The following CD9 variants were observed in gnomAD, a reference collection of about 807,000 sequenced individuals.
CD9 encodes CD9 antigen.
Under a neutral mutation model 31.4 loss-of-function variants are expected in CD9, and 10 were observed. That is an observed-to-expected ratio of 0.32 (90% confidence interval 0.20 to 0.54). CD9 has a LOEUF of 0.54. CD9 is among the 20% of genes least tolerant of loss of function. The probability of loss-of-function intolerance (pLI) is 0.94; values close to 1 mark genes in which losing one functional copy is unlikely to be tolerated. For missense variants in CD9, 259 were observed against 300.1 expected, an observed-to-expected ratio of 0.86 and a Z score of 1.01; for synonymous variants, 113 against 114.1, an observed-to-expected ratio of 0.99 and a Z score of 0.06.
intron 1 of CD9, among the ~76,000 whole-genome samples, chr12:6,222,395 A>G (rs985061411): frequency 6.6e-6 from 1 of 151,980 alleles, no homozygotes; most frequent in Non-Finnish European, 1.5e-5. Flanking sequence ...TCTTATTGTG[A>G]GTTGTTAAGC....
At chr12:6,226,246 C>A in intron 2 of CD9, 1 of 152,278 alleles carries the variant, frequency 6.6e-6, no homozygotes. Context: ...CTCTCGTTGC[C>A]GTATCACCAC....
At chr12:6,236,549 C>T in intron 7 of CD9, 1 of 506,314 alleles carries the variant, frequency 2.0e-6, no homozygotes, top group Non-Finnish European at 3.5e-6. Context: ...ACATGGGTGG[C>T]AGTGCTGGCA....
At chr12:6,210,487 C>A (rs934588170) in intron 1 of CD9, among the ~76,000 whole-genome samples, 1 of 152,164 alleles carries the variant, frequency 6.6e-6, no homozygotes, top group Non-Finnish European at 1.5e-5. Flanking sequence ...ACCCACTACC[C>A]CCACTGCCCC....
upstream of CD9, chr12:6,200,347 C>T (rs951791851): frequency 6.9e-6 from 3 of 433,804 alleles, no homozygotes; most frequent in Non-Finnish European, 1.3e-5. Flanking sequence ...CGCAGCGGGT[C>T]GCGCGCCCTA....
rs1031901956 is a variant in CD9 at position 6,225,619 on chromosome 12, G to C, written c.175+85G>C. On this transcript the variant is annotated intron_variant, in intron 2 of 7. Transcript: ENST00000009180. ...TTTGGAGGCCCCATGTTGACCCAGGGACTTGGGCTTGGGAAAGACTTTTGC... is the reference window on the plus strand; with the variant it reads ...TTTGGAGGCCCCATGTTGACCCAGGCACTTGGGCTTGGGAAAGACTTTTGC... The C allele has an allele frequency of 4.8e-6, 4 of 840,012 alleles. No homozygotes were observed. The East Asian group carries it at 1.0e-4, about 21-fold the overall frequency. 52.0% of individuals were successfully genotyped at this position (840,012 alleles called of 1,614,324 possible).
intron 1 of CD9, among the ~76,000 whole-genome samples, chr12:6,222,759 G>A (rs1440862303): frequency 2.0e-5 from 3 of 152,218 alleles, no homozygotes; most frequent in Non-Finnish European, 2.9e-5. Flanking sequence ...AGGTTCCACT[G>A]GGGTACCCTG....
intron 2 of CD9, among the ~76,000 whole-genome samples, chr12:6,229,444 A>AC (rs1189526063): frequency 3.3e-5 from 5 of 151,548 alleles, no homozygotes; most frequent in African/African-American, 1.2e-4. Flanking sequence ...TTACACACCC[A>AC]CTCCCCTCTG....
At position 6,232,666 on chromosome 12, in the gene CD9, G is replaced by A. The variant is rs1946462740; in HGVS notation, c.210G>A (p.Met70Ile). 4 of 1,581,612 alleles carry A rather than the reference G, an allele frequency of 2.5e-6. No homozygotes were observed. The Admixed American group carries it at 7.1e-5, about 28-fold the overall frequency. Residue 70 changes from methionine to isoleucine, a missense_variant, in exon 3 of 8, where the codon ATG becomes ATA. Physicochemically the swap from Met to Ile is conservative, Grantham distance 10. Transcript: ENST00000009180. This position sits in a 1 kb window ranked among gnomAD's most constrained non-coding sequence, Gnocchi z 4.8. Reference sequence around the variant, plus strand: ...TTCTGATCGGAGCCGGCGCCCTCATGATGCTGGTGGGCTTCCTGGGCTGCT... The same window carrying A: ...TTCTGATCGGAGCCGGCGCCCTCATAATGCTGGTGGGCTTCCTGGGCTGCT... ...VYILIGAGAL[M>I]MLVGFLGCCG... is the part of the protein sequence containing the mutation.
chr12:6,210,221 T>A (rs1448906337), intron 1 of CD9, among the ~76,000 whole-genome samples: 1 of 152,180 alleles, frequency 6.6e-6, no homozygotes, highest in Non-Finnish European at 1.5e-5. Context: ...TGGGGCTGTT[T>A]TCACGGGGGA....
At chr12:6,209,663 C>T (rs1003287079) in intron 1 of CD9, among the ~76,000 whole-genome samples, 1 of 149,272 alleles carries the variant, frequency 6.7e-6, no homozygotes, top group Non-Finnish European at 1.5e-5. Flanking sequence ...CCTTTAGAGA[C>T]CCAGACTGCA....
At chr12:6,220,809 C>T (rs550129547) in intron 1 of CD9, among the ~76,000 whole-genome samples, 1 of 152,346 alleles carries the variant, frequency 6.6e-6, no homozygotes, top group South Asian at 2.1e-4. Flanking sequence ...CCAGTTTCCC[C>T]TATTGTACCA....
chr12:6,204,033 G>A lies in CD9; in HGVS notation c.66+3468G>A, dbSNP rs961906563. ...ATATCCCCTAGACCTAGGGGAGGCT[G>A]GTGCGAAACACAGAGACCTACACTG... On this transcript the variant is annotated intron_variant, in intron 1 of 7. Coordinates refer to ENST00000009180, the MANE Select transcript of CD9 (RefSeq NM_001769.4). Among the ~76,000 whole-genome samples, 124 of 137,168 alleles carry A rather than the reference G, an allele frequency of 9.0e-4. 1 individual carries two copies. The highest frequency in any genetic ancestry group is 3.2e-3 in the African/African-American group (116 of 36,684). The allele number at this position is 137,168 out of a possible 152,430, so 90.0% of individuals were successfully genotyped here.
intron 2 of CD9, among the ~76,000 whole-genome samples, chr12:6,231,528 G>A (rs1209728383): frequency 6.6e-6 from 1 of 152,206 alleles, no homozygotes; most frequent in African/African-American, 2.4e-5. Flanking sequence ...TGCTGATTAA[G>A]GGAATAGTCC....
chr12:6,219,704 C>G (rs1440962813), intron 1 of CD9, among the ~76,000 whole-genome samples: 3 of 152,042 alleles, frequency 2.0e-5, no homozygotes, highest in African/African-American at 4.8e-5. Context: ...CCAGGATGGT[C>G]TCCATCTCCT....
At chr12:6,236,062 C>T (rs934447242) in intron 6 of CD9, 130 bp from the exon 7 acceptor site, 3 of 1,471,674 alleles carry the variant, frequency 2.0e-6, no homozygotes, top group Non-Finnish European at 2.7e-6. Flanking sequence ...TCTCTTATCC[C>T]CGAACACTCC....
intron 3 of CD9, chr12:6,233,125 C>A: frequency 1.4e-6 from 1 of 694,930 alleles, no homozygotes; most frequent in East Asian, 2.7e-5. Flanking sequence ...ATAGTAGTTG[C>A]CTGCTCACTG....
intron 2 of CD9, among the ~76,000 whole-genome samples, chr12:6,229,679 A>G (rs111802908): frequency 0.012 from 1,799 of 152,182 alleles, 25 homozygotes; most frequent in African/African-American, 0.04. Context: ...TGTTTGCAGG[A>G]CAGAGCTGGT....
intron 1 of CD9, among the ~76,000 whole-genome samples, chr12:6,221,811 T>TA (rs1342854588): frequency 1.5e-3 from 74 of 48,264 alleles, no homozygotes; most frequent in Non-Finnish European, 1.8e-3. Context: ...CCCCTGGCTC[T>TA]ACAAAAAAAA....
At chr12:6,237,323 C>T (rs773324647) in intron 7 of CD9, among the ~76,000 whole-genome samples, 5 of 151,726 alleles carry the variant, frequency 3.3e-5, no homozygotes, top group Non-Finnish European at 4.4e-5. Flanking sequence ...TTTGGGAGGC[C>T]GAGGCAGGCG....
Sources: gnomAD v4.1 joint callset for allele counts (sites outside exome capture counted in the v4.1 genomes callset) on GRCh38, gnomAD v4.1.1 for gene constraint, Gnocchi (gnomAD v3.1) non-coding constraint, MANE v1.5 for transcripts, NCBI Gene and HGNC (gene_info 2026-07-23, HGNC 2026-07-21) for gene names.